The following SCNN1B variants were observed in gnomAD, a reference collection of about 807,000 sequenced individuals.
SCNN1B encodes the protein sodium channel epithelial 1 subunit beta.
SCNN1B carries 46 observed loss-of-function variants against 65.3 expected under a neutral mutation model. The observed-to-expected ratio is 0.70, with a 90% CI of 0.56 to 0.90. The LOEUF (loss-of-function observed/expected upper bound fraction) is 0.90. SCNN1B is among the 40% of genes least tolerant of loss of function. SCNN1B has a pLI of 0.00. For synonymous variants in SCNN1B, 349 were observed against 330.6 expected, an observed-to-expected ratio of 1.06 and a Z score of -0.60; for missense variants, 751 against 830.5, an observed-to-expected ratio of 0.90 and a Z score of 1.18.
chr16:23,299,416 AC>A (rs1961042887), upstream of SCNN1B, among the ~76,000 whole-genome samples: 1 of 152,212 alleles, frequency 6.6e-6, no homozygotes, highest in Non-Finnish European at 1.5e-5. Flanking sequence ...TTATATGGTC[AC>A]AACCAAATAC....
At position 23,295,226 on chromosome 16, in the gene SCNN1B, A is replaced by AT. The variant is rs755199167; in HGVS notation, n.178+11432dup. Among the ~76,000 whole-genome samples, 217 of 148,178 alleles carry AT rather than the reference A, an allele frequency of 1.5e-3. 1 individual carries two copies. The highest frequency in any genetic ancestry group is 4.2e-3 in the African/African-American group (171 of 40,436). On this transcript the variant is annotated intron_variant and non_coding_transcript_variant, in intron 2 of 3. Coordinates refer to the SCNN1B transcript ENST00000569789. ...GATCATTAATGTTTGGCCTTACTTC[A>AT]TTTTTTTTTTGAGACCAGGTCTCAC...
chr16:23,306,013 C>CG (rs1961210875), intron 1 of SCNN1B, among the ~76,000 whole-genome samples: 1 of 152,100 alleles, frequency 6.6e-6, no homozygotes, highest in Non-Finnish European at 1.5e-5. Context: ...GAGGCTGAGG[C>CG]GGGTGGATCA....
At chr16:23,310,707 A>T (rs1961322581) in intron 1 of SCNN1B, among the ~76,000 whole-genome samples, 1 of 152,264 alleles carries the variant, frequency 6.6e-6, no homozygotes. Flanking sequence ...CTTGCAAATC[A>T]AAGACCAAAT....
intron 1 of SCNN1B, among the ~76,000 whole-genome samples, chr16:23,304,459 A>G (rs1188880903): frequency 6.6e-6 from 1 of 152,206 alleles, no homozygotes; most frequent in Admixed American, 6.5e-5. Flanking sequence ...CCTAAGGCTG[A>G]GACTCAGCCA....
intron 2 of SCNN1B, among the ~76,000 whole-genome samples, chr16:23,294,675 C>G (rs1960970633): frequency 6.6e-6 from 1 of 152,042 alleles, no homozygotes; most frequent in Non-Finnish European, 1.5e-5. Context: ...GTTCATGAGT[C>G]CCCTTCTCTG....
At chr16:23,378,808 G>T in intron 11 of SCNN1B, 41 bp downstream of exon 11, 1 of 1,595,598 alleles carries the variant, frequency 6.3e-7, no homozygotes. Flanking sequence ...GACAGGGAAG[G>T]GGTCCAGAAA....
At chr16:23,313,921 T>C (rs1961397582) in intron 1 of SCNN1B, among the ~76,000 whole-genome samples, 1 of 152,248 alleles carries the variant, frequency 6.6e-6, no homozygotes, top group South Asian at 2.1e-4. Flanking sequence ...CAGCATTTTT[T>C]AAGTATGACT....
chr16:23,303,002 T>C (rs1189501730), intron 1 of SCNN1B, among the ~76,000 whole-genome samples: 4 of 152,100 alleles, frequency 2.6e-5, no homozygotes, highest in Non-Finnish European at 5.9e-5. Context: ...GCCTACCTCG[T>C]GGGCTGTCAG....
chr16:23,351,544 A>G (rs1012475351), intron 2 of SCNN1B, among the ~76,000 whole-genome samples: 3 of 152,206 alleles, frequency 2.0e-5, no homozygotes, highest in Admixed American at 6.5e-5. Context: ...TCGAAGGCCA[A>G]CGTTAGCTCT....
At chr16:23,311,814 T>C (rs534890878) in intron 1 of SCNN1B, among the ~76,000 whole-genome samples, 13 of 152,154 alleles carry the variant, frequency 8.5e-5, no homozygotes, top group African/African-American at 2.2e-4. Flanking sequence ...GGCTCATTAA[T>C]GGGGCCAGGA....
chr16:23,301,365 A>AAAAAAAAAAG (rs1352768262), upstream of SCNN1B, among the ~76,000 whole-genome samples: 3 of 150,680 alleles, frequency 2.0e-5, no homozygotes, highest in African/African-American at 7.4e-5. Context: ...CTGTCAAAAA[A>AAAAAAAAAAG]AAAAGAAAGA....
intron 2 of SCNN1B, among the ~76,000 whole-genome samples, chr16:23,285,417 C>G (rs755938805): frequency 2.0e-4 from 30 of 152,136 alleles, no homozygotes; most frequent in Non-Finnish European, 3.4e-4. Context: ...AGTGATCCTT[C>G]TGCCTCAGGC....
chr16:23,377,586 C>T (rs62029391), intron 10 of SCNN1B, among the ~76,000 whole-genome samples, 200 bp downstream of exon 10: 251 of 46,082 alleles, frequency 5.4e-3, no homozygotes, highest in African/African-American at 7.8e-3. Context: ...CTTCCTCCCT[C>T]CCTTCTCCCT....
chr16:23,378,315 G>A (rs1234324855), intron 10 of SCNN1B, among the ~76,000 whole-genome samples: 1 of 152,190 alleles, frequency 6.6e-6, no homozygotes, highest in Non-Finnish European at 1.5e-5. Flanking sequence ...CAGCTTCTGG[G>A]AAAGCATGTT....
chr16:23,360,855 C>T (rs1457970253), intron 4 of SCNN1B, among the ~76,000 whole-genome samples: 2 of 151,850 alleles, frequency 1.3e-5, no homozygotes, highest in Admixed American at 6.6e-5. Context: ...AGTACAGTGG[C>T]ACTATCTCGG....
intron 1 of SCNN1B, among the ~76,000 whole-genome samples, chr16:23,326,445 G>A (rs1961698737): frequency 6.6e-6 from 1 of 151,660 alleles, no homozygotes; most frequent in African/African-American, 2.4e-5. Context: ...AAACCCACAT[G>A]GTTTTTTTGT....
chr16:23,296,729 C>T (rs1199253893), intron 2 of SCNN1B, among the ~76,000 whole-genome samples: 3 of 152,164 alleles, frequency 2.0e-5, no homozygotes, highest in African/African-American at 7.2e-5. Flanking sequence ...AGGACGGGCG[C>T]AGTGCCTCAG....
At chr16:23,305,566 A>C in intron 1 of SCNN1B, among the ~76,000 whole-genome samples, 1 of 38,494 alleles carries the variant, frequency 2.6e-5, no homozygotes, top group Admixed American at 2.9e-4. Flanking sequence ...ATATATATAT[A>C]TATATATATA....
intron 4 of SCNN1B, among the ~76,000 whole-genome samples, chr16:23,362,565 G>A (rs1236529688): frequency 2.0e-5 from 3 of 152,136 alleles, no homozygotes; most frequent in Non-Finnish European, 4.4e-5. Flanking sequence ...CTGCATGCCT[G>A]GCTCCCAGCC....
Sources: gnomAD v4.1 joint callset for allele counts (sites outside exome capture counted in the v4.1 genomes callset) on GRCh38, gnomAD v4.1.1 for gene constraint, MANE v1.5 for transcripts, NCBI Gene and HGNC (gene_info 2026-07-23, HGNC 2026-07-21) for gene names.